The following ERC2 variants were observed in gnomAD, a reference collection of about 807,000 sequenced individuals.
ERC2 encodes the protein ELKS/RAB6-interacting/CAST family member 2.
In ERC2, 42 loss-of-function variants were observed where a neutral mutation model predicts 114.8. That is an observed-to-expected ratio of 0.37 (90% CI 0.29 to 0.47). ERC2 has a LOEUF of 0.47. Ranked by LOEUF, ERC2 falls within the 20% of genes least tolerant of loss-of-function variation. The pLI, the probability that ERC2 is intolerant of heterozygous loss-of-function variation, is 0.99. For synonymous variants in ERC2, 454 were observed against 425.5 expected (o/e 1.07, Z -0.82); for missense variants, 939 against 1,150.7 (o/e 0.82, Z 2.66).
chr3:56,300,129 C>T (rs566347652), intron 2 of ERC2, among the ~76,000 whole-genome samples: 26 of 150,946 alleles, frequency 1.7e-4, no homozygotes, highest in Non-Finnish European at 2.4e-4. Context: ...TTGACAGCAA[C>T]GGGAGGGAGG....
chr3:55,586,748 G>A (rs981050620), intron 17 of ERC2, among the ~76,000 whole-genome samples: 1 of 152,142 alleles, frequency 6.6e-6, no homozygotes, highest in African/African-American at 2.4e-5. Context: ...TTCTCTGCAT[G>A]AGGCAATTTA....
chr3:56,319,904 G>C (rs953102991), intron 2 of ERC2, among the ~76,000 whole-genome samples: 1 of 152,180 alleles, frequency 6.6e-6, no homozygotes, highest in Non-Finnish European at 1.5e-5. Flanking sequence ...TATTTGAAGA[G>C]ATCATGACTA....
chr3:55,837,268 G>T (rs2060933161), intron 14 of ERC2, among the ~76,000 whole-genome samples: 1 of 152,128 alleles, frequency 6.6e-6, no homozygotes, highest in African/African-American at 2.4e-5. Flanking sequence ...ATACCCAAAG[G>T]ATTATAAATC....
At chr3:55,730,562 T>C (rs1397216762) in intron 15 of ERC2, among the ~76,000 whole-genome samples, 1 of 152,174 alleles carries the variant, frequency 6.6e-6, no homozygotes, top group East Asian at 1.9e-4. Flanking sequence ...AGATTTTCTG[T>C]ATACGTTGAG....
intron 3 of ERC2, among the ~76,000 whole-genome samples, chr3:56,185,984 C>G (rs1387404231): frequency 6.6e-6 from 1 of 151,912 alleles, no homozygotes; most frequent in Non-Finnish European, 1.5e-5. Flanking sequence ...CCACAGGAAG[C>G]CTCTAAGGGC....
intron 14 of ERC2, among the ~76,000 whole-genome samples, chr3:55,831,327 G>C (rs1430711775): frequency 1.6e-5 from 2 of 127,472 alleles, no homozygotes; most frequent in Non-Finnish European, 3.3e-5. Flanking sequence ...GAAAGAAGAG[G>C]GGAGGGGAAG....
At chr3:56,341,928 C>T (rs2058103949) in intron 2 of ERC2, among the ~76,000 whole-genome samples, 1 of 152,196 alleles carries the variant, frequency 6.6e-6, no homozygotes, top group Admixed American at 6.5e-5. Context: ...TTCTGTAGCC[C>T]ATGCTGCCCA....
intron 17 of ERC2, among the ~76,000 whole-genome samples, chr3:55,583,542 TTTCTTCCTTC>T (rs1559693535): frequency 2.0e-3 from 80 of 39,284 alleles, no homozygotes; most frequent in East Asian, 5.3e-3. Context: ...CCTTCCTTCC[TTTCTTCCTTC>T]CTTCCTTCCT....
At chr3:56,404,494 G>T (rs1365257378) in intron 2 of ERC2, among the ~76,000 whole-genome samples, 1 of 152,094 alleles carries the variant, frequency 6.6e-6, no homozygotes, top group Non-Finnish European at 1.5e-5. Flanking sequence ...AGAAAAAAAT[G>T]AATAAGACCC....
chr3:56,431,674 GTTT>G (rs1289336418), intron 2 of ERC2, among the ~76,000 whole-genome samples: 1 of 152,144 alleles, frequency 6.6e-6, no homozygotes, highest in Admixed American at 6.5e-5. Context: ...AGAGAAGACA[GTTT>G]TTTTAATAGC....
intron 14 of ERC2, among the ~76,000 whole-genome samples, chr3:55,814,083 G>T (rs1048413961): frequency 7.2e-5 from 11 of 152,278 alleles, no homozygotes; most frequent in East Asian, 5.8e-4. Context: ...TTTTGCAAAT[G>T]CATTAGTACC....
At chr3:56,240,874 G>T (rs2051278536) in intron 3 of ERC2, among the ~76,000 whole-genome samples, 1 of 152,014 alleles carries the variant, frequency 6.6e-6, no homozygotes, top group African/African-American at 2.4e-5. Flanking sequence ...TTGGTTACGT[G>T]GATATATCGT....
At chr3:55,864,126 CACATATATATATACATAT>C (rs2062160325) in intron 14 of ERC2, among the ~76,000 whole-genome samples, 3 of 116,740 alleles carry the variant, frequency 2.6e-5, no homozygotes, top group African/African-American at 1.1e-4. Context: ...TATACACACA[CACATATATATATACATAT>C]ATATATATAT....
At chr3:56,134,640 C>A (rs932946954) in intron 6 of ERC2, among the ~76,000 whole-genome samples, 2 of 151,874 alleles carry the variant, frequency 1.3e-5, no homozygotes, top group Non-Finnish European at 1.5e-5. Flanking sequence ...AAGTTATGAA[C>A]CCTTGCTTTG....
chr3:55,852,718 T>G (rs370844767), intron 14 of ERC2: 2 of 152,624 alleles, frequency 1.3e-5, no homozygotes, highest in South Asian at 4.1e-4. Flanking sequence ...CATTTACTCA[T>G]AACTGAACTC....
intron 17 of ERC2, among the ~76,000 whole-genome samples, chr3:55,549,287 AAAAAAAGG>A (rs2054979060): frequency 6.6e-6 from 1 of 152,008 alleles, no homozygotes; most frequent in African/African-American, 2.4e-5. Context: ...CCTCCTGCAA[AAAAAAAGG>A]CCTCTATGAA....
At chr3:55,808,765 T>TAG (rs2059602115) in intron 14 of ERC2, among the ~76,000 whole-genome samples, 1 of 141,280 alleles carries the variant, frequency 7.1e-6, no homozygotes, top group African/African-American at 2.6e-5. Context: ...AACATATATA[T>TAG]ATATATATAT....
rs1356822099 is a variant in ERC2, at chr3:55,986,002, G to C, written c.2256-14C>G. ...CTGAGAGTCAAGCTGATTGGAGCAA[G>C]GGTGAAAGCAGCAATTTGGAGGATA... On this transcript the variant is annotated splice_polypyrimidine_tract_variant and intron_variant, in intron 11 of 17. Transcript: ENST00000288221. 1.9e-6 allele frequency: 3 copies of C among 1,539,602 alleles called. No individual in the cohort carries two copies. In the South Asian group the frequency reaches 3.6e-5, roughly 18 times the overall value.
intron 12 of ERC2, among the ~76,000 whole-genome samples, chr3:55,954,345 C>T (rs1025401823): frequency 2.0e-5 from 3 of 152,064 alleles, no homozygotes; most frequent in Non-Finnish European, 2.9e-5. Flanking sequence ...TTAAAAATTT[C>T]CAACAGGTTC....
Sources: allele counts gnomAD v4.1 joint callset (sites outside exome capture counted in the v4.1 genomes callset), GRCh38; gene constraint gnomAD v4.1.1; transcripts MANE v1.5; gene names NCBI Gene and HGNC (gene_info 2026-07-23, HGNC 2026-07-21).